TAFA1: variants seen among roughly 807,000 people sequenced by gnomAD.
TAFA1 encodes the protein chemokine-like protein TAFA-1.
In TAFA1, 4 loss-of-function variants were observed where a neutral mutation model predicts 18.5. The observed-to-expected ratio is 0.22, with a 90% CI of 0.11 to 0.49. The LOEUF (loss-of-function observed/expected upper bound fraction) is 0.49. Among genes scored for constraint, TAFA1 ranks in the 20% least tolerant of loss-of-function variants. The pLI is 0.98. For synonymous variants in TAFA1, 56 were observed against 55.2 expected (o/e 1.01, Z -0.06); for missense variants, 147 against 169.0 (o/e 0.87, Z 0.72).
chr3:68,120,090 C>T (rs1214308617), intron 2 of TAFA1, among the ~76,000 whole-genome samples: 1 of 152,168 alleles, frequency 6.6e-6, no homozygotes, highest in Admixed American at 6.5e-5. Context: ...TCAAGTGGTC[C>T]TGCCTACCTG....
chr3:68,370,806 T>C (rs1277256950), intron 2 of TAFA1, among the ~76,000 whole-genome samples: 4 of 147,264 alleles, frequency 2.7e-5, no homozygotes, highest in Admixed American at 6.8e-5. Flanking sequence ...TTTAATTGTC[T>C]GGACTCATAA....
At chr3:68,255,887 A>G (rs1372423479) in intron 2 of TAFA1, among the ~76,000 whole-genome samples, 1 of 152,118 alleles carries the variant, frequency 6.6e-6, no homozygotes, top group Non-Finnish European at 1.5e-5. Flanking sequence ...GTGTTAACAA[A>G]CACTTTTAAT....
At chr3:68,421,522 G>C (rs1472083426) in intron 3 of TAFA1, among the ~76,000 whole-genome samples, 1 of 152,088 alleles carries the variant, frequency 6.6e-6, no homozygotes, top group Non-Finnish European at 1.5e-5. Flanking sequence ...TACCTGGATG[G>C]AATCGCAGCT....
intron 1 of TAFA1, 116 bp from the exon 2 acceptor site, chr3:68,006,508 C>G (rs951463427): frequency 9.7e-6 from 7 of 722,940 alleles, no homozygotes; most frequent in African/African-American, 8.6e-5. Flanking sequence ...TTAGTTCTAG[C>G]CAGAGAAGTA....
chr3:68,317,275 G>T (rs1438543644), intron 2 of TAFA1, among the ~76,000 whole-genome samples: 1 of 152,094 alleles, frequency 6.6e-6, no homozygotes. Context: ...ATCAACTGTT[G>T]GTAGTATGCT....
At chr3:67,996,557 G>A in the TAFA1 span, among the ~76,000 whole-genome samples, 2 of 152,246 alleles carry the variant, frequency 1.3e-5, no homozygotes, top group South Asian at 2.1e-4. Context: ...CCAGCACTTT[G>A]GGAAGCCAAG....
chr3:68,261,358 G>A (rs1254779993), intron 2 of TAFA1, among the ~76,000 whole-genome samples: 3 of 152,278 alleles, frequency 2.0e-5, no homozygotes, highest in Admixed American at 1.3e-4. Context: ...TCAGTGTGGC[G>A]ATTCCTCAGG....
intron 2 of TAFA1, among the ~76,000 whole-genome samples, chr3:68,306,882 C>A (rs1317626695): frequency 2.6e-5 from 4 of 152,168 alleles, no homozygotes; most frequent in Non-Finnish European, 5.9e-5. Flanking sequence ...TCTCATATTT[C>A]TAATGACTTT....
intron 2 of TAFA1, among the ~76,000 whole-genome samples, chr3:68,169,707 CTG>C (rs563356063): frequency 1.9e-4 from 29 of 152,322 alleles, no homozygotes; most frequent in Non-Finnish European, 3.1e-4. Context: ...GTATCTCACT[CTG>C]TGGGTGATGT....
intron 2 of TAFA1, among the ~76,000 whole-genome samples, chr3:68,404,272 C>T (rs921062724): frequency 6.6e-6 from 1 of 152,234 alleles, no homozygotes; most frequent in African/African-American, 2.4e-5. Context: ...CTACCAATCA[C>T]AGACCTGCTG....
chr3:68,192,897 G>T lies in TAFA1; in HGVS notation c.118+186153G>T, dbSNP rs572397587. On this transcript the variant is annotated intron_variant, in intron 2 of 4. Transcript: ENST00000478136. ...CAGGAATGGAAGAGGCTATAATATA[G>T]TTCAGAATAGGGAACAGAGTGTGGA... Among the ~76,000 whole-genome samples the T allele has an allele frequency of 1.3e-4, 19 of 151,782 alleles. No individual in the cohort carries two copies. In the South Asian group the frequency reaches 3.3e-3, roughly 26 times the overall value.
intron 2 of TAFA1, chr3:68,247,256 T>C (rs570704296): frequency 7.3e-4 from 111 of 152,300 alleles, no homozygotes; most frequent in African/African-American, 2.4e-3. Flanking sequence ...GACAAAAGTC[T>C]CTTCCTTTTT....
chr3:68,119,273 T>C (rs1010786326), intron 2 of TAFA1, among the ~76,000 whole-genome samples: 2 of 152,152 alleles, frequency 1.3e-5, no homozygotes, highest in South Asian at 2.1e-4. Context: ...TTTTATATAT[T>C]CTGTCTATTA....
chr3:68,133,756 A>T (rs2065571873), intron 2 of TAFA1, among the ~76,000 whole-genome samples: 1 of 152,146 alleles, frequency 6.6e-6, no homozygotes, highest in Admixed American at 6.5e-5. Flanking sequence ...AGCTGCCCTC[A>T]CTAACAAAAG....
chr3:68,335,304 C>A (rs2068952416), intron 2 of TAFA1, among the ~76,000 whole-genome samples: 1 of 152,142 alleles, frequency 6.6e-6, no homozygotes, highest in Non-Finnish European at 1.5e-5. Context: ...AAGCACTTTG[C>A]TTTCCAGGGA....
At chr3:68,144,960 T>A (rs751776198) in intron 2 of TAFA1, 9 of 871,252 alleles carry the variant, frequency 1.0e-5, no homozygotes, top group South Asian at 4.1e-5. Context: ...ATAATGACTA[T>A]AAAGTGGCAT....
At chr3:68,426,714 A>C (rs995176097) in intron 3 of TAFA1, among the ~76,000 whole-genome samples, 1 of 151,924 alleles carries the variant, frequency 6.6e-6, no homozygotes, top group East Asian at 1.9e-4. Flanking sequence ...GTTCACCAAC[A>C]AAGAAGATGA....
chr3:68,056,774 G>A (rs1203033833), intron 2 of TAFA1, among the ~76,000 whole-genome samples: 1 of 152,148 alleles, frequency 6.6e-6, no homozygotes, highest in African/African-American at 2.4e-5. Context: ...CAGCCTGCTG[G>A]CCACGAATAG....
At chr3:68,297,001 G>A (rs2068218947) in intron 2 of TAFA1, among the ~76,000 whole-genome samples, 1 of 152,080 alleles carries the variant, frequency 6.6e-6, no homozygotes, top group African/African-American at 2.4e-5. Flanking sequence ...CAGCCCATAG[G>A]AGAGAAGAAG....
Sources: gnomAD v4.1 joint callset for allele counts (sites outside exome capture counted in the v4.1 genomes callset) on GRCh38, gnomAD v4.1.1 for gene constraint, MANE v1.5 for transcripts, NCBI Gene and HGNC (gene_info 2026-07-23, HGNC 2026-07-21) for gene names.